Variants in GPR107 observed in about 807,000 individuals in gnomAD.
GPR107 encodes the protein G protein-coupled receptor 107, also known as protein GPR107.
GPR107 carries 31 observed loss-of-function variants against 75.5 expected under a neutral mutation model. The ratio of observed to expected loss-of-function variants is 0.41; its 90% CI spans 0.31 to 0.55. The LOEUF is 0.55. Ranked by LOEUF, GPR107 falls within the 20% of genes least tolerant of loss-of-function variation. The probability of loss-of-function intolerance (pLI) is 0.26; values close to 1 mark genes in which losing one functional copy is unlikely to be tolerated. For missense variants in GPR107, 572 were observed against 665.7 expected (o/e 0.86, Z 1.55); for synonymous variants, 267 against 251.3 (o/e 1.06, Z -0.59).
intron 8 of GPR107, 106 bp from the exon 9 acceptor site, chr9:130,092,142 T>G (rs1830754060): frequency 1.1e-6 from 1 of 929,588 alleles, no homozygotes; most frequent in African/African-American, 1.6e-5. Flanking sequence ...GCCCAGCCAC[T>G]GGTACTTACT....
chr9:130,104,043 G>T (rs190081226), intron 12 of GPR107, among the ~76,000 whole-genome samples: 79 of 152,126 alleles, frequency 5.2e-4, no homozygotes, highest in Middle Eastern at 3.4e-3. Context: ...CGGGGCTCCT[G>T]GGGGGGCCTT....
chr9:130,095,940 C>T (rs899782774), intron 9 of GPR107, among the ~76,000 whole-genome samples: 5 of 152,162 alleles, frequency 3.3e-5, no homozygotes, highest in Admixed American at 6.5e-5. Context: ...GAGATCTTTG[C>T]CTCATTTATT....
At position 130,112,843 on chromosome 9, in the gene GPR107, G is replaced by C. The variant is rs1455246686; in HGVS notation, c.1306+5304G>C. On this transcript the variant is annotated intron_variant, in intron 14 of 17. Coordinates refer to ENST00000347136, the MANE Select transcript of GPR107 (RefSeq NM_020960.5). The surrounding 1 kb of genome is among the most constrained non-coding windows in gnomAD (Gnocchi z 4.0). ...TGGCTTACTGCAGCCTCAACCTCCT[G>C]GGCCCAACCGATCCTCTCACCTCAG... 6.6e-6 allele frequency among the ~76,000 whole-genome samples: 1 copy of C among 151,988 alleles called. No individual in the cohort carries two copies. The highest frequency in any genetic ancestry group is 1.9e-4 in the East Asian group (1 of 5,192).
At chr9:130,056,308 C>T (rs1002432762) in intron 1 of GPR107, among the ~76,000 whole-genome samples, 2 of 145,294 alleles carry the variant, frequency 1.4e-5, no homozygotes, top group Non-Finnish European at 3.0e-5. Flanking sequence ...AAAAATTAGC[C>T]AGGCGTGGTG....
intron 8 of GPR107, among the ~76,000 whole-genome samples, chr9:130,091,978 G>C (rs1830750484): frequency 6.6e-6 from 1 of 152,062 alleles, no homozygotes; most frequent in Non-Finnish European, 1.5e-5. Context: ...ACAGGCGTGA[G>C]CCACTGTGCC....
intron 16 of GPR107, 136 bp downstream of exon 16, chr9:130,127,702 A>AG: frequency 1.7e-6 from 1 of 603,182 alleles, no homozygotes; most frequent in Non-Finnish European, 2.9e-6. Flanking sequence ...TTTAACTAAA[A>AG]ATTTTTTTTT....
chr9:130,109,760 A>G (rs1042216508), intron 14 of GPR107, among the ~76,000 whole-genome samples: 10 of 150,198 alleles, frequency 6.7e-5, no homozygotes, highest in African/African-American at 2.2e-4. Context: ...TAGTAGAGAC[A>G]GGGTTCCACT....
intron 9 of GPR107, among the ~76,000 whole-genome samples, chr9:130,095,166 T>C (rs955830262): frequency 3.9e-5 from 6 of 152,120 alleles, no homozygotes; most frequent in African/African-American, 1.2e-4. Flanking sequence ...GGGACAGTAA[T>C]AGTTACTCTG....
chr9:130,062,427 A>ATAATAG (rs908775501), intron 1 of GPR107, among the ~76,000 whole-genome samples: 4 of 115,198 alleles, frequency 3.5e-5, no homozygotes, highest in African/African-American at 1.7e-4. Context: ...AATGATAATA[A>ATAATAG]TAATAATAAT....
At chr9:130,108,281 T>C (rs1373372753) in intron 14 of GPR107, among the ~76,000 whole-genome samples, 3 of 152,222 alleles carry the variant, frequency 2.0e-5, no homozygotes, top group Non-Finnish European at 4.4e-5. Context: ...CATTCTTTAA[T>C]GCAGGTTATG....
At chr9:130,134,910 G>A in intron 17 of GPR107, 115 bp from the exon 18 acceptor site, 1 of 704,072 alleles carries the variant, frequency 1.4e-6, no homozygotes, top group South Asian at 1.5e-5. Context: ...CTTAGATTTT[G>A]TCTGTTTCAA....
intron 14 of GPR107, among the ~76,000 whole-genome samples, chr9:130,120,349 G>A (rs964865398): frequency 4.6e-5 from 7 of 152,160 alleles, no homozygotes; most frequent in African/African-American, 1.4e-4. Context: ...AGGATGTGAC[G>A]TGGCGACGCA....
At chr9:130,075,593 C>A in intron 1 of GPR107, 43 bp from the exon 2 acceptor site, 1 of 1,009,760 alleles carries the variant, frequency 9.9e-7, no homozygotes, top group Non-Finnish European at 1.6e-6. Flanking sequence ...TAATCAAAAG[C>A]ACTTTTCCAT....
chr9:130,108,992 C>CTTTTTTTTTTTTTTTTTTTTTTTTTTT (rs11316244), intron 14 of GPR107, among the ~76,000 whole-genome samples: 1 of 66,066 alleles, frequency 1.5e-5, no homozygotes. Context: ...TGGGGATATT[C>CTTTTTTTTTTTTTTTTTTTTTTTTTTT]TTTTTTTTTT....
At position 130,078,544 on chromosome 9, in the gene GPR107, C is replaced by T. The variant is rs1357665293; in HGVS notation, c.387-1086C>T. ...ACAAAAGACTTGACTTAGACTCTGG[C>T]GTGAATAGTGAAGACATTGATTACC... On this transcript the variant is annotated intron_variant, in intron 4 of 17. Coordinates refer to ENST00000347136, the MANE Select transcript of GPR107 (RefSeq NM_020960.5). 4.6e-5 allele frequency among the ~76,000 whole-genome samples: 7 copies of T among 152,160 alleles called. No homozygotes were observed. The South Asian group carries it at 1.0e-3, about 23-fold the overall frequency.
chr9:130,054,814 C>G (rs1829705491), intron 1 of GPR107, among the ~76,000 whole-genome samples: 2 of 152,196 alleles, frequency 1.3e-5, no homozygotes, highest in South Asian at 4.1e-4. Flanking sequence ...TGCTGTGGCT[C>G]ATGCCTGTAA....
Position 130,083,568 on chromosome 9 carries a change from G to C in GPR107, c.530G>C (p.Gly177Ala). Residue 177 changes from glycine to alanine, a missense_variant, in exon 6 of 18, where the codon GGT becomes GCT. Gly to Ala is a moderately conservative substitution (Grantham distance 60). Transcript: ENST00000347136. Reference sequence around the variant, plus strand: ...TTTTAAATGTTCTTGCTTCTAGATGGTGGAAAGTCTAAAAGAAGTACAGTG... The same window carrying C: ...TTTTAAATGTTCTTGCTTCTAGATGCTGGAAAGTCTAAAAGAAGTACAGTG... The part of the protein sequence containing the change: ...AGNQTQKTQD[G>A]GKSKRSTVDS... 2.0e-6 allele frequency: 3 copies of C among 1,522,972 alleles called. No homozygotes were observed. The highest frequency in any genetic ancestry group is 2.6e-6 in the Non-Finnish European group (3 of 1,143,180). The allele number at this position is 1,522,972 out of a possible 1,614,324, so 94.3% of individuals were successfully genotyped here.
At chr9:130,096,344 T>C (rs1241025190) in intron 9 of GPR107, among the ~76,000 whole-genome samples, 1 of 152,114 alleles carries the variant, frequency 6.6e-6, no homozygotes, top group Non-Finnish European at 1.5e-5. Context: ...TGTGGTACAC[T>C]CTCATTCTCA....
At chr9:130,125,130 G>T (rs928818358) in intron 15 of GPR107, among the ~76,000 whole-genome samples, 166 bp downstream of exon 15, 1 of 107,594 alleles carries the variant, frequency 9.3e-6, no homozygotes, top group East Asian at 3.2e-4. Flanking sequence ...ACGACGTCTA[G>T]CTCTGTCACC....
Sources: allele counts gnomAD v4.1 joint callset (sites outside exome capture counted in the v4.1 genomes callset), GRCh38; gene constraint gnomAD v4.1.1; non-coding constraint Gnocchi (gnomAD v3.1); transcripts MANE v1.5; gene names NCBI Gene and HGNC (gene_info 2026-07-23, HGNC 2026-07-21).